The following COG6 variants were observed in gnomAD, a reference collection of about 807,000 sequenced individuals.
COG6 encodes conserved oligomeric Golgi complex subunit 6.
A neutral mutation model predicts 88.8 loss-of-function variants in COG6; 74 were observed. The observed-to-expected ratio is 0.83, with a 90% CI of 0.69 to 1.01. The LOEUF (loss-of-function observed/expected upper bound fraction) is 1.01. Among genes scored for constraint, COG6 ranks in the 50% least tolerant of loss-of-function variants. The pLI, the probability that COG6 is intolerant of heterozygous loss-of-function variation, is 0.00. For synonymous variants in COG6, 286 were observed against 278.7 expected (o/e 1.03, Z -0.26); for missense variants, 800 against 797.9 (o/e 1.00, Z -0.03).
At chr13:39,726,464 A>C (rs935529430) in intron 17 of COG6, among the ~76,000 whole-genome samples, 6 of 151,960 alleles carry the variant, frequency 3.9e-5, no homozygotes, top group African/African-American at 1.4e-4. Flanking sequence ...CCTTCATTCT[A>C]TCAGTAACCA....
chr13:39,724,349 T>C (rs540973776), intron 16 of COG6, among the ~76,000 whole-genome samples, 159 bp from the exon 17 acceptor site: 4 of 152,104 alleles, frequency 2.6e-5, no homozygotes, highest in Admixed American at 6.6e-5. Flanking sequence ...CCTGATCTTA[T>C]TGAGGTTGAA....
intron 18 of COG6, among the ~76,000 whole-genome samples, chr13:39,743,417 G>T (rs1237321872): frequency 6.6e-6 from 1 of 151,978 alleles, no homozygotes; most frequent in Non-Finnish European, 1.5e-5. Flanking sequence ...AATGATAAAG[G>T]GAATATCACC....
chr13:39,777,985 C>T (rs897452995), intron 18 of COG6, among the ~76,000 whole-genome samples: 6 of 152,184 alleles, frequency 3.9e-5, no homozygotes, highest in African/African-American at 1.4e-4. Context: ...CATTAACATT[C>T]ATGGTATCAG....
intron 18 of COG6, among the ~76,000 whole-genome samples, chr13:39,779,772 G>A (rs886535611): frequency 9.2e-5 from 14 of 152,094 alleles, no homozygotes; most frequent in Admixed American, 9.2e-4. Context: ...TCACAGGAAG[G>A]GGACCCAGGG....
At chr13:39,710,055 AG>A (rs1180623206) in intron 13 of COG6, among the ~76,000 whole-genome samples, 1 of 152,160 alleles carries the variant, frequency 6.6e-6, no homozygotes, top group Non-Finnish European at 1.5e-5. Flanking sequence ...AAGCTTTCTG[AG>A]GCTTTGATTA....
At chr13:39,789,428 C>A (rs1299285210) in exon 19 of COG6, 1 of 152,180 alleles carries the variant, frequency 6.6e-6, no homozygotes, top group Non-Finnish European at 1.5e-5. Flanking sequence ...ACGTTCAATT[C>A]TTTGCCTTCT....
chr13:39,752,495 G>A lies in COG6; in HGVS notation c.*1402G>A, dbSNP rs564858037. The A allele has an allele frequency of 1.8e-6, 2 of 1,141,072 alleles. No homozygotes were observed. The highest frequency in any genetic ancestry group is 2.3e-6 in the Non-Finnish European group (2 of 876,602). The allele number at this position is 1,141,072 out of a possible 1,614,324, so 70.7% of individuals were successfully genotyped here. On this transcript the variant is annotated 3_prime_UTR_variant, in exon 19 of 19. Transcript: ENST00000455146. ...AGACAGAAAATAAAGTATAAATCAA[G>A]AGCTTAAATTGTATATAATTTATTT...
Position 39,699,489 on chromosome 13 carries a change from C to T in COG6, c.1167-12C>T. On this transcript the variant is annotated splice_polypyrimidine_tract_variant and intron_variant, in intron 12 of 18. Transcript: ENST00000455146. ...TTTCTGTTTTGCAACCTGAAATATT[C>T]TTTGCTTTTAGTGGTATTGTTGGAA... The T allele has an allele frequency of 1.5e-6, 2 of 1,318,770 alleles. No individual in the cohort carries two copies. The highest frequency in any genetic ancestry group is 2.2e-6 in the Non-Finnish European group (2 of 911,890). The allele number at this position is 1,318,770 out of a possible 1,614,324, so 81.7% of individuals were successfully genotyped here.
intron 18 of COG6, among the ~76,000 whole-genome samples, chr13:39,749,613 T>G (rs911227006): frequency 2.0e-5 from 3 of 152,154 alleles, no homozygotes; most frequent in Non-Finnish European, 4.4e-5. Flanking sequence ...TATTTCTAGC[T>G]CTAAAGATCA....
In COG6 at chr13:39,665,125, A is replaced by G. The variant is rs1875169924; in HGVS notation, c.399A>G (p.Ile133Met). Residue 133 changes from isoleucine to methionine, a missense_variant, in exon 4 of 19, where the codon ATA (isoleucine) becomes ATG (methionine). Coordinates refer to ENST00000455146, the MANE Select transcript of COG6 (RefSeq NM_020751.3). Reference sequence around the variant, plus strand: ...CAAAGGAACAGACTCAAGATTTAATAGTAAAAACCACTAAGCTTCAATCTG... The same window carrying G: ...CAAAGGAACAGACTCAAGATTTAATGGTAAAAACCACTAAGCTTCAATCTG... ...QAAKEQTQDL[I>M]VKTTKLQSES... The G allele has an allele frequency of 6.6e-6, 10 of 1,520,688 alleles. No individual in the cohort carries two copies. Among genetic ancestry groups the G allele is most frequent in the South Asian group, 1.1e-5 (1 of 88,594 alleles). The allele number at this position is 1,520,688 out of a possible 1,614,324, so 94.2% of individuals were successfully genotyped here.
At chr13:39,758,334 CAT>C (rs1038671560) in intron 18 of COG6, among the ~76,000 whole-genome samples, 3 of 150,720 alleles carry the variant, frequency 2.0e-5, no homozygotes, top group African/African-American at 7.3e-5. Context: ...GCCTGAGAAA[CAT>C]AGCAAGACCC....
intron 18 of COG6, among the ~76,000 whole-genome samples, chr13:39,770,544 T>G (rs1881290155): frequency 6.6e-6 from 1 of 152,202 alleles, no homozygotes; most frequent in Non-Finnish European, 1.5e-5. Context: ...AGTATTTTTT[T>G]CCACTGCCTC....
At chr13:39,667,289 A>G (rs943064574) in intron 4 of COG6, among the ~76,000 whole-genome samples, 3 of 152,194 alleles carry the variant, frequency 2.0e-5, no homozygotes, top group African/African-American at 7.2e-5. Flanking sequence ...TCATAATTTC[A>G]TGCATTTAAT....
rs116016131 is a variant in COG6 at position 39,783,324 on chromosome 13, C to G, written c.1827-5011C>G. Among the ~76,000 whole-genome samples, 820 of 152,190 alleles carry G rather than the reference C, an allele frequency of 5.4e-3. 8 individuals are homozygous for G. Among genetic ancestry groups the G allele is most frequent in the African/African-American group, 0.018 (756 of 41,514 alleles). On this transcript the variant is annotated intron_variant, in intron 18 of 18. Transcript: ENST00000416691. ...ATTGTCCTTGACAAGAGTGTGGCAG[C>G]CATTGGGCAAGTAGGATGGTATTAT...
chr13:39,687,735 C>G lies in COG6; in HGVS notation c.945C>G (p.Leu315=), dbSNP rs1344467194. 2 of 1,613,874 alleles carry G rather than the reference C, an allele frequency of 1.2e-6. No individual in the cohort carries two copies. Among genetic ancestry groups the G allele is most frequent in the African/African-American group, 1.3e-5 (1 of 74,894 alleles). The change falls in exon 10 of 19, where the codon CTC becomes CTG. Residue 315 remains leucine (L), a synonymous_variant. Transcript: ENST00000455146. Reference sequence around the variant, plus strand: ...ATGTAGGAGATATGTTGGCTTGGCTCCATCAAGCTACTGCTTCTGAAAAGG... The same window carrying G: ...ATGTAGGAGATATGTTGGCTTGGCTGCATCAAGCTACTGCTTCTGAAAAGG... The part of the protein sequence containing the change: ...LRYVGDMLAW[L]HQATASEKEH...
At chr13:39,735,652 T>C (rs1432445677) in intron 18 of COG6, among the ~76,000 whole-genome samples, 5 of 152,098 alleles carry the variant, frequency 3.3e-5, no homozygotes, top group East Asian at 1.9e-4. Flanking sequence ...TTCTTTCAGA[T>C]TGAAGAACTC....
chr13:39,680,056 T>G lies in COG6; in HGVS notation c.694+11T>G. 10 of 1,506,950 alleles carry G rather than the reference T, an allele frequency of 6.6e-6. No homozygotes were observed. The highest frequency in any genetic ancestry group is 8.3e-6 in the Non-Finnish European group (9 of 1,084,652). 93.3% of individuals were successfully genotyped at this position (1,506,950 alleles called of 1,614,324 possible). On this transcript the variant is annotated intron_variant, in intron 7 of 18. Coordinates refer to ENST00000455146, the MANE Select transcript of COG6 (RefSeq NM_020751.3). ...ACCGATGGGCTCAAAGTAAGTGATT[T>G]CTTTTATGTTGTCTAGATTCATGAA... is the stretch of plus-strand genomic sequence containing the variant.
chr13:39,752,250 T>C lies in COG6; in HGVS notation c.*1157T>C, dbSNP rs1880680594. The C allele has an allele frequency of 1.0e-6, 1 of 992,692 alleles. No individual in the cohort carries two copies. The highest frequency in any genetic ancestry group is 1.3e-6 in the Non-Finnish European group (1 of 763,164). 61.5% of individuals were successfully genotyped at this position (992,692 alleles called of 1,614,324 possible). ...GGAAAAAAATAACTAGTTTGAAATA[T>C]TTTGAAAAGTAATAACATAAAACTA... On this transcript the variant is annotated 3_prime_UTR_variant, in exon 19 of 19. Transcript: ENST00000455146.
rs562865286 is a variant in COG6, at chr13:39,724,410, G to A, written c.1693-98G>A. On this transcript the variant is annotated intron_variant, in intron 16 of 18. Transcript: ENST00000455146. ...ATAAGCTAAATGATTTTCCAAATTTGGGCAGTGCACTAATGAACTATATTC... is the reference window on the plus strand; with the variant it reads ...ATAAGCTAAATGATTTTCCAAATTTAGGCAGTGCACTAATGAACTATATTC... 9.2e-5 allele frequency: 80 copies of A among 873,774 alleles called. No individual in the cohort carries two copies. The African/African-American group carries it at 1.3e-3, about 14-fold the overall frequency. The allele number at this position is 873,774 out of a possible 1,614,324, so 54.1% of individuals were successfully genotyped here. A position where few individuals can be genotyped will look rare whatever the true frequency, so the allele number is the denominator to read the frequency against.
Sources: gnomAD v4.1 joint callset for allele counts (sites outside exome capture counted in the v4.1 genomes callset) on GRCh38, gnomAD v4.1.1 for gene constraint, MANE v1.5 for transcripts, NCBI Gene and HGNC (gene_info 2026-07-23, HGNC 2026-07-21) for gene names.